The following TPCN2 variants were observed in gnomAD, a reference collection of about 807,000 sequenced individuals.
The protein encoded by TPCN2 is two pore segment channel 2, also known as two pore channel protein 2.
TPCN2 carries 92 observed loss-of-function variants against 111.4 expected under a neutral mutation model. The ratio of observed to expected loss-of-function variants is 0.83; its 90% CI spans 0.70 to 0.98. The LOEUF (loss-of-function observed/expected upper bound fraction) is 0.98, where lower values mean the gene tolerates loss of function less well. TPCN2 is among the 50% of genes least tolerant of loss of function. The pLI is 0.00. For missense variants in TPCN2, 995 were observed against 980.1 expected (o/e 1.02, Z -0.20); for synonymous variants, 405 against 414.5 (o/e 0.98, Z 0.28).
intron 5 of TPCN2, 42 bp downstream of exon 5, chr11:69,057,736 G>A (rs771610997): frequency 6.3e-7 from 1 of 1,588,870 alleles, no homozygotes; most frequent in Admixed American, 1.7e-5. Flanking sequence ...AGAGATCTGG[G>A]GCTGGTGTGG....
chr11:69,082,571 C>T (rs1035131051), intron 18 of TPCN2, among the ~76,000 whole-genome samples: 2 of 151,924 alleles, frequency 1.3e-5, no homozygotes, highest in East Asian at 1.9e-4. Context: ...GACGCATGAT[C>T]GTGTGTGCAC....
At chr11:69,083,719 G>C (rs1856145073) in intron 18 of TPCN2, among the ~76,000 whole-genome samples, 1 of 152,166 alleles carries the variant, frequency 6.6e-6, no homozygotes, top group African/African-American at 2.4e-5. Context: ...GTAGATGTAG[G>C]TGTTGGGGTG....
chr11:69,056,579 G>A lies in TPCN2; in HGVS notation c.430-999G>A, dbSNP rs539292452. On this transcript the variant is annotated intron_variant, in intron 4 of 24. Transcript: ENST00000294309. ...GACACAGTCTCGCTCTGTTGCCCAG[G>A]CTGGAGTGCAGTGGTGCAGTCTTGG... is the stretch of plus-strand genomic sequence containing the variant. Among the ~76,000 whole-genome samples the A allele has an allele frequency of 3.3e-5, 5 of 152,268 alleles. No homozygotes were observed. The East Asian group carries it at 5.8e-4, about 18-fold the overall frequency.
At chr11:69,082,610 C>T (rs112654338) in intron 18 of TPCN2, among the ~76,000 whole-genome samples, 69 of 145,096 alleles carry the variant, frequency 4.8e-4, no homozygotes, top group African/African-American at 7.8e-4. Context: ...CATGTGAACT[C>T]GTGCCCGGGT....
At chr11:69,064,699 T>A (rs1380582245) in intron 7 of TPCN2, among the ~76,000 whole-genome samples, 2 of 152,234 alleles carry the variant, frequency 1.3e-5, no homozygotes, top group Non-Finnish European at 2.9e-5. Context: ...TGTTCCTGTT[T>A]GTGGCCGTGT....
intron 2 of TPCN2, 21 bp from the exon 3 acceptor site, chr11:69,054,700 C>T: frequency 2.5e-6 from 4 of 1,613,346 alleles, no homozygotes; most frequent in Non-Finnish European, 3.4e-6. Context: ...TGTCATGCCT[C>T]ATGTGACTTT....
At chr11:69,079,999 C>A (rs1855938501) in intron 17 of TPCN2, 116 bp downstream of exon 17, 1 of 926,532 alleles carries the variant, frequency 1.1e-6, no homozygotes, top group Non-Finnish European at 1.7e-6. Flanking sequence ...CTAGGGCAGA[C>A]CCCGTGATGG....
intron 13 of TPCN2, among the ~76,000 whole-genome samples, chr11:69,078,172 TA>T (rs1490605958): frequency 2.8e-5 from 4 of 141,104 alleles, no homozygotes; most frequent in African/African-American, 5.1e-5. Context: ...TTTTTTTTTT[TA>T]TATATATCAG....
chr11:69,049,183 C>T (rs1663136666), intron 1 of TPCN2, 77 bp downstream of exon 1: 1 of 973,006 alleles, frequency 1.0e-6, no homozygotes. Flanking sequence ...GTCCCAGCAC[C>T]CCGCTTTCTG....
At position 69,087,208 on chromosome 11, in the gene TPCN2, T is replaced by A. The variant is rs1280966581; in HGVS notation, c.2180+2T>A. The A allele has an allele frequency of 6.2e-7, 1 of 1,613,166 alleles. No homozygotes were observed. The highest frequency in any genetic ancestry group is 2.2e-5 in the East Asian group (1 of 44,854). ...GATGACTGTGGAGCTCCTGTTCAGG[T>A]GTGTGGGTGGGGAAGGCGCTTCTGT... On this transcript the variant is annotated splice_donor_variant, in intron 24 of 24. Transcript: ENST00000294309. LOFTEE classifies it high-confidence loss of function.
intron 8 of TPCN2, among the ~76,000 whole-genome samples, chr11:69,068,101 G>GT (rs1306191402): frequency 1.3e-5 from 2 of 152,272 alleles, no homozygotes; most frequent in East Asian, 3.8e-4. Context: ...CGCTCACCCT[G>GT]TGTGATGCTC....
At position 69,087,113 on chromosome 11, in the gene TPCN2, A is replaced by C; in HGVS notation, c.2087A>C (p.Asn696Thr). Residue 696 changes from asparagine (N) to threonine (T), a missense_variant and splice_region_variant, in exon 24 of 25, where the codon AAC becomes ACC. Physicochemically the swap from Asn to Thr is moderately conservative, Grantham distance 65 (BLOSUM62 0). Coordinates refer to ENST00000294309, the MANE Select transcript of TPCN2 (RefSeq NM_139075.4). The part of the protein sequence containing the change: ...VNLFLALILE[N>T]FLHKWDPRSH... ...CTGGCCACTCCTCCTGCTTGCCAGA[A>C]CTTCCTTCACAAGTGGGACCCCCGC... The C allele has an allele frequency of 6.2e-7, 1 of 1,613,488 alleles. No individual in the cohort carries two copies. The highest frequency in any genetic ancestry group is 2.2e-5 in the East Asian group (1 of 44,858).
chr11:69,060,881 G>A (rs1382547946), intron 5 of TPCN2, among the ~76,000 whole-genome samples: 1 of 152,218 alleles, frequency 6.6e-6, no homozygotes, highest in Non-Finnish European at 1.5e-5. Flanking sequence ...TGAGCTGGGC[G>A]CACAGGGCAG....
At chr11:69,075,153 G>A (rs12282274) in intron 13 of TPCN2, among the ~76,000 whole-genome samples, 2,782 of 152,306 alleles carry the variant, frequency 0.018, 105 homozygotes, top group African/African-American at 0.063. Context: ...CCGAGCACTG[G>A]GCTTTGAGAT....
chr11:69,087,249 G>A, intron 24 of TPCN2, 43 bp downstream of exon 24: 6 of 1,581,310 alleles, frequency 3.8e-6, no homozygotes, highest in Non-Finnish European at 5.2e-6. Context: ...CCCCTGGGAT[G>A]GGAAGCCAAG....
chr11:69,079,387 G>A lies in TPCN2; in HGVS notation c.1539+367G>A, dbSNP rs1457938697. 1.3e-5 allele frequency: 4 copies of A among 303,350 alleles called. No individual in the cohort carries two copies. The South Asian group carries it at 1.9e-4, about 15-fold the overall frequency. The allele number at this position is 303,350 out of a possible 1,614,324, so 18.8% of individuals were successfully genotyped here. ...GCATGGGTGGAGCGAGGGGCCAGGG[G>A]GCTCTCAGGCACCAGGGTGTTCTTG... On this transcript the variant is annotated intron_variant, in intron 16 of 24. Coordinates refer to ENST00000294309, the MANE Select transcript of TPCN2 (RefSeq NM_139075.4).
rs1406117527 is a variant in TPCN2, at chr11:69,054,028, T to A, written c.110-5T>A. The A allele has an allele frequency of 1.2e-6, 2 of 1,613,442 alleles. No homozygotes were observed. The highest frequency in any genetic ancestry group is 2.7e-5 in the African/African-American group (2 of 74,934). On this transcript the variant is annotated splice_polypyrimidine_tract_variant and splice_region_variant and intron_variant, in intron 1 of 24. Coordinates refer to ENST00000294309, the MANE Select transcript of TPCN2 (RefSeq NM_139075.4). ...GGTCACCTGATGTGTCCCCTCTGCCTGCAGGTGCCGCGGCCAGGTGGGACC... is the reference window on the plus strand; with the variant it reads ...GGTCACCTGATGTGTCCCCTCTGCCAGCAGGTGCCGCGGCCAGGTGGGACC...
Position 69,067,591 on chromosome 11 carries a change from C to T in TPCN2, c.815C>T (p.Ala272Val), listed in dbSNP as rs753561463. Residue 272 changes from alanine to valine, a missense_variant, in exon 8 of 25, where the codon GCC becomes GTC. Coordinates refer to ENST00000294309, the MANE Select transcript of TPCN2 (RefSeq NM_139075.4). ...LTSLLVLLTT[A>V]NNPDVMIPAY... ...TCCCTCCTGGTGCTGCTGACCACGG[C>T]CAACAACCCCGATGGTGCGTGCAGG... The T allele has an allele frequency of 3.7e-6, 6 of 1,613,854 alleles. No individual in the cohort carries two copies. In the South Asian group the frequency reaches 6.6e-5, roughly 18 times the overall value.
chr11:69,070,712 C>T (rs1277264696), intron 9 of TPCN2, among the ~76,000 whole-genome samples: 7 of 148,806 alleles, frequency 4.7e-5, no homozygotes, highest in Non-Finnish European at 1.0e-4. Context: ...CCCCAGGGAT[C>T]TCCCGCCAAC....
Sources: allele counts gnomAD v4.1 joint callset (sites outside exome capture counted in the v4.1 genomes callset), GRCh38; gene constraint gnomAD v4.1.1; transcripts MANE v1.5; gene names NCBI Gene and HGNC (gene_info 2026-07-23, HGNC 2026-07-21).